Variants in HGSNAT observed in about 807,000 individuals in gnomAD.
HGSNAT encodes the protein heparan-alpha-glucosaminide N-acetyltransferase, also known as transmembrane protein 76.
In HGSNAT, 59 loss-of-function variants were observed where a neutral mutation model predicts 85.2. The observed-to-expected ratio is 0.69, with a 90% CI of 0.56 to 0.86. The LOEUF (loss-of-function observed/expected upper bound fraction) is 0.86. Among genes scored for constraint, HGSNAT ranks in the 40% least tolerant of loss-of-function variants. The probability of loss-of-function intolerance (pLI) is 0.00; values close to 1 mark genes in which losing one functional copy is unlikely to be tolerated. For missense variants in HGSNAT, 756 were observed against 777.1 expected (o/e 0.97, Z 0.32); for synonymous variants, 321 against 304.5 (o/e 1.05, Z -0.56).
At chr8:43,190,759 A>G (rs1200819408) in intron 11 of HGSNAT, among the ~76,000 whole-genome samples, 1 of 152,240 alleles carries the variant, frequency 6.6e-6, no homozygotes, top group Non-Finnish European at 1.5e-5. Context: ...ATATTGATGT[A>G]TAATTTACGT....
chr8:43,174,997 A>AACATATGAAGTTTGTCTTC (rs1803759405), intron 9 of HGSNAT, among the ~76,000 whole-genome samples: 3 of 151,958 alleles, frequency 2.0e-5, no homozygotes, highest in Non-Finnish European at 4.4e-5. Context: ...AAATAATTGG[A>AACATATGAAGTTTGTCTTC]ACATGGCTTA....
chr8:43,169,743 G>A (rs1438388085), intron 6 of HGSNAT, among the ~76,000 whole-genome samples: 1 of 152,198 alleles, frequency 6.6e-6, no homozygotes, highest in African/African-American at 2.4e-5. Context: ...CTCAGTAAAA[G>A]GCAGGAAAAG....
At chr8:43,158,453 G>GT in intron 2 of HGSNAT, 122 bp from the exon 3 acceptor site, 5 of 1,002,478 alleles carry the variant, frequency 5.0e-6, no homozygotes, top group Non-Finnish European at 6.0e-6. Flanking sequence ...AAATGTAGAG[G>GT]TTTTTTTATA....
intron 12 of HGSNAT, 72 bp from the exon 13 acceptor site, chr8:43,192,232 G>T (rs1804558769): frequency 1.3e-6 from 2 of 1,526,428 alleles, no homozygotes; most frequent in Non-Finnish European, 8.9e-7. Context: ...CCGGCCTGAG[G>T]TTTTTTTATT....
At chr8:43,180,051 C>T (rs74450235) in intron 10 of HGSNAT, among the ~76,000 whole-genome samples, 1 of 50,694 alleles carries the variant, frequency 2.0e-5, no homozygotes, top group Admixed American at 1.7e-4. Context: ...GGCGGCTGGC[C>T]GGGCGGGGGG....
Position 43,150,616 on chromosome 8 carries a change from A to G in HGSNAT, c.234+3553A>G, listed in dbSNP as rs201348330. On this transcript the variant is annotated intron_variant, in intron 2 of 17. Transcript: ENST00000379644. ...TGGGAGGCCAAGGTGGGCGGATCAC[A>G]AGGTCAGGAGATCGAGACCATCCTG... 2.0e-4 allele frequency among the ~76,000 whole-genome samples: 31 copies of G among 152,186 alleles called. No homozygotes were observed. In the East Asian group the frequency reaches 3.5e-3, roughly 17 times the overall value.
At chr8:43,170,401 C>T (rs1803583435) in intron 6 of HGSNAT, among the ~76,000 whole-genome samples, 184 bp from the exon 7 acceptor site, 1 of 152,046 alleles carries the variant, frequency 6.6e-6, no homozygotes, top group Non-Finnish European at 1.5e-5. Context: ...AATCGCTTGA[C>T]CCCAGGAGGT....
At chr8:43,173,865 A>G (rs1262429565) in intron 9 of HGSNAT, 122 bp downstream of exon 9, 1 of 1,021,632 alleles carries the variant, frequency 9.8e-7, no homozygotes, top group African/African-American at 1.6e-5. Context: ...GTCCTTCCAA[A>G]AGTCCTGTTA....
chr8:43,147,980 C>T (rs560662257), intron 2 of HGSNAT, among the ~76,000 whole-genome samples: 98 of 152,284 alleles, frequency 6.4e-4, no homozygotes, highest in African/African-American at 2.2e-3. Flanking sequence ...CAGTGGCTCA[C>T]GCCTGTAATC....
chr8:43,172,466 C>T, intron 8 of HGSNAT, 80 bp downstream of exon 8: 1 of 1,043,954 alleles, frequency 9.6e-7, no homozygotes, highest in Non-Finnish European at 1.5e-6. Context: ...TCAGCATTCT[C>T]CCCAGAAACT....
chr8:43,175,954 T>C (rs951880349), intron 9 of HGSNAT, among the ~76,000 whole-genome samples: 2 of 152,212 alleles, frequency 1.3e-5, no homozygotes, highest in African/African-American at 4.8e-5. Context: ...TTATTGCTTG[T>C]CTGATGGGGA....
intron 5 of HGSNAT, among the ~76,000 whole-genome samples, chr8:43,163,192 A>T (rs911084260): frequency 6.6e-6 from 1 of 152,116 alleles, no homozygotes; most frequent in African/African-American, 2.4e-5. Context: ...TCAAGAAAAA[A>T]AAAAGTAATT....
chr8:43,150,707 T>C (rs762112397), intron 2 of HGSNAT, among the ~76,000 whole-genome samples: 1 of 151,752 alleles, frequency 6.6e-6, no homozygotes, highest in African/African-American at 2.4e-5. Context: ...GGTGGTGGGC[T>C]CCTGTAGTCC....
In HGSNAT at chr8:43,159,152, A is replaced by C. The variant is rs185252694; in HGVS notation, c.493+108A>C. The C allele has an allele frequency of 2.7e-4, 314 of 1,165,720 alleles. No individual in the cohort carries two copies. In the African/African-American group the frequency reaches 4.5e-3, roughly 17 times the overall value. The allele number at this position is 1,165,720 out of a possible 1,614,324, so 72.2% of individuals were successfully genotyped here. On this transcript the variant is annotated intron_variant, in intron 4 of 17. Transcript: ENST00000379644. ...TCCATGACGCTTTCTGTAGTTGAAAACCTAAATCTTAGGTCATTGATGAGC... is the reference window on the plus strand; with the variant it reads ...TCCATGACGCTTTCTGTAGTTGAAACCCTAAATCTTAGGTCATTGATGAGC...
chr8:43,197,172 C>A lies in HGSNAT; in HGVS notation c.1542+147C>A, dbSNP rs1804753058. The A allele has an allele frequency of 7.9e-6, 5 of 632,126 alleles. No individual in the cohort carries two copies. The East Asian group carries it at 8.2e-5, about 10-fold the overall frequency. The allele number at this position is 632,126 out of a possible 1,614,324, so 39.2% of individuals were successfully genotyped here. The stretch of plus-strand genomic sequence containing the variant: ...TCTTCACTTGAATAACAGAGAGGAA[C>A]AAATCTTTCCACCTAAATGCACAGA... On this transcript the variant is annotated intron_variant, in intron 15 of 17. Transcript: ENST00000379644.
intron 17 of HGSNAT, among the ~76,000 whole-genome samples, chr8:43,198,796 C>T (rs1307004457): frequency 6.6e-6 from 1 of 152,088 alleles, no homozygotes; most frequent in East Asian, 1.9e-4. Flanking sequence ...ATTCTTTGGA[C>T]CTCAGATTTT....
At chr8:43,179,623 C>T (rs1803969978) in intron 10 of HGSNAT, among the ~76,000 whole-genome samples, 1 of 49,978 alleles carries the variant, frequency 2.0e-5, no homozygotes, top group Admixed American at 1.7e-4. Flanking sequence ...GCAGAGGCGC[C>T]CCTCACCTCC....
rs748100708 is a variant in HGSNAT, at chr8:43,169,273, A to C, written c.633+31A>C. 10 of 1,396,408 alleles carry C rather than the reference A, an allele frequency of 7.2e-6. No homozygotes were observed. The East Asian group carries it at 2.4e-4, about 33-fold the overall frequency. 86.5% of individuals were successfully genotyped at this position (1,396,408 alleles called of 1,614,324 possible). Reference sequence around the variant, plus strand: ...TTATGAGATGCATAGTGTATTGCCCAGGTGGTTTTCTAAACTTGGAATTTA... The same window carrying C: ...TTATGAGATGCATAGTGTATTGCCCCGGTGGTTTTCTAAACTTGGAATTTA... On this transcript the variant is annotated intron_variant, in intron 6 of 17. Transcript: ENST00000379644.
At chr8:43,193,058 T>C (rs1804595629) in intron 13 of HGSNAT, among the ~76,000 whole-genome samples, 1 of 152,202 alleles carries the variant, frequency 6.6e-6, no homozygotes, top group African/African-American at 2.4e-5. Flanking sequence ...GAGGCAAAGG[T>C]TTGGGCCCTT....
Sources: allele counts gnomAD v4.1 joint callset (sites outside exome capture counted in the v4.1 genomes callset), GRCh38; gene constraint gnomAD v4.1.1; transcripts MANE v1.5; gene names NCBI Gene and HGNC (gene_info 2026-07-23, HGNC 2026-07-21).